Variants in CUBN observed in about 807,000 individuals in gnomAD.
CUBN encodes the protein cubilin, also known as 460 kDa receptor.
CUBN carries 282 observed loss-of-function variants against 405.3 expected under a neutral mutation model. The observed-to-expected ratio is 0.70, with a 90% CI of 0.63 to 0.77. The LOEUF is 0.77. Among genes scored for constraint, CUBN ranks in the 30% least tolerant of loss-of-function variants. The pLI, the probability that CUBN is intolerant of heterozygous loss-of-function variation, is 0.00. For synonymous variants in CUBN, 1,684 were observed against 1,617.0 expected (o/e 1.04, Z -0.99); for missense variants, 4,514 against 4,475.2 (o/e 1.01, Z -0.25).
rs762999874 is a variant in CUBN at position 17,043,887 on chromosome 10, T to G, written c.3769A>C (p.Ile1257Leu). 1.2e-6 allele frequency: 2 copies of G among 1,613,586 alleles called. No homozygotes were observed. The highest frequency in any genetic ancestry group is 1.7e-6 in the Non-Finnish European group (2 of 1,179,768). ...LIRSSGDSMF[I>L]KLRTDEGQQG... ...TGACCTTCATCTGTCCTCAGTTTTA[T>G]AAACATGCTGTCTCCACTAGAACGA... The change falls in exon 26 of 67, where the codon ATA (isoleucine) becomes CTA (leucine). Residue 1257 changes from isoleucine (I) to leucine (L), a missense_variant. Ile to Leu is a conservative substitution (Grantham distance 5). Coordinates refer to ENST00000377833, the MANE Select transcript of CUBN (RefSeq NM_001081.4).
At position 16,888,441 on chromosome 10, in the gene CUBN, T is replaced by A. The variant is rs774440223; in HGVS notation, c.8881A>T (p.Thr2961Ser). 7 of 1,613,428 alleles carry A rather than the reference T, an allele frequency of 4.3e-6. No homozygotes were observed. Among genetic ancestry groups the A allele is most frequent in the Admixed American group, 1.7e-5 (1 of 59,998 alleles). The change falls in exon 56 of 67, where the codon ACT (threonine) becomes TCT (serine). Residue 2961 changes from threonine (T) to serine (S), a missense_variant. By Grantham distance (58) the Thr-to-Ser change is moderately conservative. Coordinates refer to ENST00000377833, the MANE Select transcript of CUBN (RefSeq NM_001081.4). ...EANPLSVVLL[T>S]FVSFHLEARS... ...CCTTCTAAGTGGAAGGACACAAAAG[T>A]CAAGAGGACCACTGACAGAGGATTA...
intron 60 of CUBN, among the ~76,000 whole-genome samples, chr10:16,846,977 A>C (rs965464575): frequency 7.2e-5 from 11 of 152,078 alleles, no homozygotes; most frequent in African/African-American, 2.7e-4. Flanking sequence ...AGGATAACAA[A>C]AGGGAGTGAG....
rs202219547 is a variant in CUBN, at chr10:16,825,127, T to C, written c.10765-45A>G. The C allele has an allele frequency of 2.3e-3, 3,229 of 1,404,440 alleles. 6 individuals are homozygous for C. The highest frequency in any genetic ancestry group is 3.0e-3 in the Non-Finnish European group (3,015 of 1,004,400). 87.0% of individuals were successfully genotyped at this position (1,404,440 alleles called of 1,614,324 possible). On this transcript the variant is annotated intron_variant, in intron 66 of 66. Coordinates refer to ENST00000377833, the MANE Select transcript of CUBN (RefSeq NM_001081.4). ...TATCCAATTATATATTTCACATATT[T>C]GAACGTTTTTCTAGGAATGTTAGCC...
chr10:17,006,042 C>T (rs1161820688), intron 28 of CUBN, among the ~76,000 whole-genome samples: 1 of 152,170 alleles, frequency 6.6e-6, no homozygotes, highest in Non-Finnish European at 1.5e-5. Context: ...AGGAGAGAGG[C>T]CTCAGGAGAA....
At chr10:16,988,243 G>C (rs1239969442) in intron 29 of CUBN, among the ~76,000 whole-genome samples, 3 of 152,206 alleles carry the variant, frequency 2.0e-5, no homozygotes, top group African/African-American at 7.2e-5. Context: ...ACATAGCTGT[G>C]GAAGATCCAC....
intron 63 of CUBN, among the ~76,000 whole-genome samples, chr10:16,835,718 T>C (rs1351265344): frequency 1.3e-5 from 2 of 152,148 alleles, no homozygotes; most frequent in East Asian, 3.8e-4. Context: ...TAAAGTGTTC[T>C]GTGAAAATAA....
intron 14 of CUBN, among the ~76,000 whole-genome samples, chr10:17,091,292 T>A (rs1173759000): frequency 6.6e-6 from 1 of 152,114 alleles, no homozygotes; most frequent in Non-Finnish European, 1.5e-5. Flanking sequence ...GCACATCAAA[T>A]GTGATATAAT....
intron 4 of CUBN, among the ~76,000 whole-genome samples, chr10:17,125,354 A>T (rs1837155093): frequency 6.6e-6 from 1 of 152,164 alleles, no homozygotes; most frequent in Admixed American, 6.5e-5. Flanking sequence ...AGGATAGCCA[A>T]CTGACTCAAT....
rs1836826935 is a variant in CUBN at position 17,114,024 on chromosome 10, T to C, written c.883+3A>G. On this transcript the variant is annotated splice_donor_region_variant and intron_variant, in intron 8 of 66. Transcript: ENST00000377833. ...AGCCTGGCTTGTGGCCCTGAGAATG[T>C]ACCTGTTGGACAGGCCCCACAGTAG... 1.9e-6 allele frequency: 3 copies of C among 1,611,926 alleles called. No homozygotes were observed. The highest frequency in any genetic ancestry group is 2.5e-6 in the Non-Finnish European group (3 of 1,179,162).
chr10:17,076,134 G>A (rs1053999470), intron 17 of CUBN, among the ~76,000 whole-genome samples: 1 of 152,134 alleles, frequency 6.6e-6, no homozygotes, highest in Non-Finnish European at 1.5e-5. Context: ...GCAAGCTAAA[G>A]TGGGCCATTC....
intron 58 of CUBN, among the ~76,000 whole-genome samples, chr10:16,873,539 T>C (rs968977404): frequency 6.6e-6 from 1 of 151,922 alleles, no homozygotes; most frequent in East Asian, 1.9e-4. Context: ...ATGACCAACA[T>C]GGTGAAACCC....
chr10:17,066,679 T>C (rs751829753), intron 21 of CUBN, among the ~76,000 whole-genome samples: 1 of 152,080 alleles, frequency 6.6e-6, no homozygotes, highest in Non-Finnish European at 1.5e-5. Context: ...TTTGCAGTGG[T>C]GATGTGTTAA....
At position 17,086,843 on chromosome 10, in the gene CUBN, A is replaced by G. The variant is rs532297808; in HGVS notation, c.1948-1084T>C. ...AAAGAGAAATGAGAGACATTTCAAT[A>G]TTGTCAGAGTGGTTGACACTTTCTA... On this transcript the variant is annotated intron_variant, in intron 15 of 66. Coordinates refer to ENST00000377833, the MANE Select transcript of CUBN (RefSeq NM_001081.4). Among the ~76,000 whole-genome samples, 23 of 152,340 alleles carry G rather than the reference A, an allele frequency of 1.5e-4. No homozygotes were observed. In the East Asian group the frequency reaches 4.4e-3, roughly 29 times the overall value.
At chr10:16,970,479 G>A (rs528431954) in intron 31 of CUBN, among the ~76,000 whole-genome samples, 95 of 151,774 alleles carry the variant, frequency 6.3e-4, no homozygotes, top group African/African-American at 2.1e-3. Flanking sequence ...GGGAGGCTGA[G>A]GCAGGAGAAT....
chr10:16,918,708 T>G lies in CUBN; in HGVS notation c.6914A>C (p.Gln2305Pro). The change falls in exon 45 of 67, where the codon CAG becomes CCG. Residue 2305 changes from glutamine (Q) to proline (P), a missense_variant. By Grantham distance (76) the Gln-to-Pro change is moderately conservative. Transcript: ENST00000377833. Reference protein sequence around the residue: ...KFCGTSLPSSQWSSGEVMYLR... With the variant: ...KFCGTSLPSSPWSSGEVMYLR... ...ATACATAACCTCTCCTGAGGACCAC[T>G]GACTGCTGGGCAAAGATGTCCCACA... The G allele has an allele frequency of 1.2e-6, 2 of 1,613,962 alleles. No individual in the cohort carries two copies. The highest frequency in any genetic ancestry group is 4.5e-5 in the East Asian group (2 of 44,868).
chr10:17,037,525 C>T (rs1302679200), intron 27 of CUBN, among the ~76,000 whole-genome samples: 1 of 152,202 alleles, frequency 6.6e-6, no homozygotes, highest in African/African-American at 2.4e-5. Flanking sequence ...GCATAGACCA[C>T]CAGAAATATA....
intron 22 of CUBN, among the ~76,000 whole-genome samples, chr10:17,055,171 A>C (rs572969727): frequency 6.6e-6 from 1 of 152,246 alleles, no homozygotes; most frequent in East Asian, 1.9e-4. Context: ...AACAGAATAA[A>C]AAAAGAAAAG....
chr10:16,904,446 G>A (rs1439147876), intron 50 of CUBN, among the ~76,000 whole-genome samples: 1 of 152,246 alleles, frequency 6.6e-6, no homozygotes, highest in Non-Finnish European at 1.5e-5. Flanking sequence ...CACACCTTTT[G>A]TAGGGTGTAA....
chr10:16,833,520 T>C (rs1364422865), intron 64 of CUBN, among the ~76,000 whole-genome samples: 2 of 152,152 alleles, frequency 1.3e-5, no homozygotes, highest in African/African-American at 2.4e-5. Context: ...AGGAATCATG[T>C]TGAAGCTAAA....
Sources: allele counts gnomAD v4.1 joint callset (sites outside exome capture counted in the v4.1 genomes callset), GRCh38; gene constraint gnomAD v4.1.1; transcripts MANE v1.5; gene names NCBI Gene and HGNC (gene_info 2026-07-23, HGNC 2026-07-21).